The following RBFOX1 variants were observed in gnomAD, a reference collection of about 807,000 sequenced individuals.
RBFOX1 encodes the protein RNA binding protein fox-1 homolog 1.
A neutral mutation model predicts 57.7 loss-of-function variants in RBFOX1; 8 were observed. The ratio of observed to expected loss-of-function variants is 0.14; its 90% CI spans 0.08 to 0.25. The LOEUF (loss-of-function observed/expected upper bound fraction) is 0.25, where lower values mean the gene tolerates loss of function less well. Among genes scored for constraint, RBFOX1 ranks in the 10% least tolerant of loss-of-function variants. The pLI is 1.00. For synonymous variants in RBFOX1, 326 were observed against 222.4 expected, an observed-to-expected ratio of 1.47 and a Z score of -4.15; for missense variants, 611 against 548.5, an observed-to-expected ratio of 1.11 and a Z score of -1.14.
At chr16:6,528,703 C>G (rs1203912213) in intron 2 of RBFOX1, among the ~76,000 whole-genome samples, 1 of 152,122 alleles carries the variant, frequency 6.6e-6, no homozygotes, top group Non-Finnish European at 1.5e-5. Context: ...CTCAACCACT[C>G]CAGTATTGAT....
At chr16:6,303,063 T>C (rs9933112) in intron 1 of RBFOX1, among the ~76,000 whole-genome samples, 5 of 152,148 alleles carry the variant, frequency 3.3e-5, no homozygotes, top group African/African-American at 9.7e-5. Context: ...TAAAGATAAC[T>C]GCACCAAGTT....
At chr16:5,244,474 C>T (rs906795902) in intron 1 of RBFOX1, among the ~76,000 whole-genome samples, 10 of 152,232 alleles carry the variant, frequency 6.6e-5, no homozygotes, top group Admixed American at 5.2e-4. Context: ...CACTCCCATA[C>T]TGGGGACTTG....
At chr16:6,185,425 A>G (rs1253437705) in intron 1 of RBFOX1, among the ~76,000 whole-genome samples, 1 of 152,214 alleles carries the variant, frequency 6.6e-6, no homozygotes, top group East Asian at 1.9e-4. Context: ...TCCATTTTAC[A>G]ATGAAGAAAC....
At chr16:7,639,111 G>T (rs578179245) in intron 11 of RBFOX1, among the ~76,000 whole-genome samples, 1 of 152,064 alleles carries the variant, frequency 6.6e-6, no homozygotes, top group African/African-American at 2.4e-5. Flanking sequence ...ACAGGAATTG[G>T]GTGGTTAGTT....
At chr16:6,583,101 G>A (rs2097560324) in intron 2 of RBFOX1, among the ~76,000 whole-genome samples, 2 of 151,972 alleles carry the variant, frequency 1.3e-5, no homozygotes, top group South Asian at 4.2e-4. Context: ...CAAGGAAGAG[G>A]ATGGATAGTA....
chr16:7,546,264 T>C (rs2084494596), intron 5 of RBFOX1, among the ~76,000 whole-genome samples: 1 of 151,684 alleles, frequency 6.6e-6, no homozygotes, highest in South Asian at 2.1e-4. Context: ...AGGGTGGAGG[T>C]TGCAGTGAGC....
chr16:5,919,438 G>C (rs2058772614), intron 4 of RBFOX1, among the ~76,000 whole-genome samples: 3 of 152,088 alleles, frequency 2.0e-5, no homozygotes, highest in African/African-American at 2.4e-5. Context: ...CTCCTCCTGG[G>C]TTCAAGCGAT....
intron 4 of RBFOX1, among the ~76,000 whole-genome samples, chr16:7,370,342 C>G (rs1262953104): frequency 6.6e-6 from 1 of 152,184 alleles, no homozygotes; most frequent in Non-Finnish European, 1.5e-5. Flanking sequence ...TGATGGGTAA[C>G]TAGGGCCTAA....
At chr16:7,001,218 C>G (rs762478376) in intron 3 of RBFOX1, among the ~76,000 whole-genome samples, 1 of 152,052 alleles carries the variant, frequency 6.6e-6, no homozygotes, top group Non-Finnish European at 1.5e-5. Context: ...TTCTGAAGCT[C>G]TGTTGTTGGC....
Position 5,301,632 on chromosome 16 carries a change from A to AAAC in RBFOX1, c.219+61529_219+61530insCAA, listed in dbSNP as rs796934450. 1.8e-3 allele frequency among the ~76,000 whole-genome samples: 276 copies of AAAC among 150,642 alleles called. 2 individuals are homozygous for AAAC. Among genetic ancestry groups the AAAC allele is most frequent in the Admixed American group, 3.2e-3 (48 of 15,144 alleles). ...AGTCTCCATCTCAAAAAAAAAAAAA[A>AAAC]AAAAAACACACAAAAACAAAAAACT... On this transcript the variant is annotated intron_variant, in intron 1 of 2. Coordinates refer to the RBFOX1 transcript ENST00000585867.
intron 1 of RBFOX1, among the ~76,000 whole-genome samples, chr16:5,318,988 A>G (rs1213236126): frequency 6.6e-6 from 1 of 152,104 alleles, no homozygotes; most frequent in Non-Finnish European, 1.5e-5. Context: ...TTAGCTGGGC[A>G]TGGTGGCGTG....
intron 4 of RBFOX1, among the ~76,000 whole-genome samples, chr16:7,323,193 T>C (rs1368595449): frequency 6.6e-6 from 1 of 152,058 alleles, no homozygotes; most frequent in East Asian, 1.9e-4. Flanking sequence ...GGAGGCTGAG[T>C]TGGGAGGATC....
intron 10 of RBFOX1, among the ~76,000 whole-genome samples, chr16:7,613,164 C>A (rs1479265256): frequency 1.3e-5 from 2 of 152,044 alleles, no homozygotes; most frequent in African/African-American, 4.8e-5. Context: ...AAACAAAAAC[C>A]ACCCCTAGGG....
At chr16:6,649,915 G>C (rs1162135607) in intron 2 of RBFOX1, among the ~76,000 whole-genome samples, 1 of 152,024 alleles carries the variant, frequency 6.6e-6, no homozygotes, top group Non-Finnish European at 1.5e-5. Flanking sequence ...TTGTGGATTG[G>C]TGGGCCTTTG....
At chr16:7,006,765 A>G (rs774666608) in intron 3 of RBFOX1, among the ~76,000 whole-genome samples, 1 of 152,184 alleles carries the variant, frequency 6.6e-6, no homozygotes, top group Non-Finnish European at 1.5e-5. Context: ...TGATTAAGAA[A>G]AAGTAAACCC....
At chr16:7,337,273 G>A (rs1178104539) in intron 4 of RBFOX1, among the ~76,000 whole-genome samples, 1 of 152,170 alleles carries the variant, frequency 6.6e-6, no homozygotes, top group Admixed American at 6.5e-5. Flanking sequence ...GGTGGCTTAT[G>A]AAAACACAGG....
intron 2 of RBFOX1, among the ~76,000 whole-genome samples, chr16:6,609,827 G>A (rs1601434787): frequency 6.6e-6 from 1 of 151,986 alleles, no homozygotes; most frequent in East Asian, 1.9e-4. Flanking sequence ...GGCCAACATG[G>A]TGAAACCCCA....
At chr16:5,576,185 C>A (rs866099964) in intron 2 of RBFOX1, among the ~76,000 whole-genome samples, 12 of 152,212 alleles carry the variant, frequency 7.9e-5, no homozygotes, top group Middle Eastern at 6.8e-3. Flanking sequence ...TGGGGTTTTA[C>A]CTTGTTGATC....
intron 4 of RBFOX1, among the ~76,000 whole-genome samples, chr16:5,958,853 C>T (rs1187934194): frequency 2.0e-5 from 3 of 152,164 alleles, no homozygotes; most frequent in Non-Finnish European, 4.4e-5. Flanking sequence ...AACCTTGGTT[C>T]TCCTGGCTAC....
Sources: gnomAD v4.1 joint callset for allele counts (sites outside exome capture counted in the v4.1 genomes callset) on GRCh38, gnomAD v4.1.1 for gene constraint, MANE v1.5 for transcripts, NCBI Gene and HGNC (gene_info 2026-07-23, HGNC 2026-07-21) for gene names.